Variants in EIF4E3 observed in about 807,000 individuals in gnomAD.
EIF4E3 encodes the protein eukaryotic translation initiation factor 4E type 3.
A neutral mutation model predicts 31.7 loss-of-function variants in EIF4E3; 26 were observed. That is an observed-to-expected ratio of 0.82 (90% CI 0.60 to 1.14). EIF4E3 has a LOEUF of 1.14. Among genes scored for constraint, EIF4E3 ranks in the 50% most tolerant of loss-of-function variants. The pLI is 0.00. For missense variants in EIF4E3, 304 were observed against 270.9 expected (o/e 1.12, Z -0.86); for synonymous variants, 128 against 107.7 (o/e 1.19, Z -1.17).
chr3:71,747,150 T>C (rs937827066), intron 1 of EIF4E3, among the ~76,000 whole-genome samples: 1 of 152,242 alleles, frequency 6.6e-6, no homozygotes, highest in Non-Finnish European at 1.5e-5. Flanking sequence ...TGCCTAGGCG[T>C]GAAATGGCTA....
In EIF4E3 at chr3:71,684,464, GT is replaced by G. The variant is rs955380972; in HGVS notation, c.*217del. On this transcript the variant is annotated 3_prime_UTR_variant, in exon 7 of 7. Transcript: ENST00000425534. ...GCCAAAAAAAAAGTTTTTTGTGTGTGTTTTTTTTAAAAAGCAAGTAATGTGA... is the reference window on the plus strand; with the variant it reads ...GCCAAAAAAAAAGTTTTTTGTGTGTGTTTTTTTAAAAAGCAAGTAATGTGA... 7 of 374,218 alleles carry G rather than the reference GT, an allele frequency of 1.9e-5. No homozygotes were observed. The highest frequency in any genetic ancestry group is 1.1e-4 in the South Asian group (1 of 9,424). 23.2% of individuals were successfully genotyped at this position (374,218 alleles called of 1,614,324 possible).
chr3:71,722,159 A>G (rs1241662340), intron 1 of EIF4E3, among the ~76,000 whole-genome samples: 1 of 152,170 alleles, frequency 6.6e-6, no homozygotes, highest in African/African-American at 2.4e-5. Context: ...AACTGGAAGG[A>G]TAGACTTGCT....
At chr3:71,740,389 G>C (rs1372609036) in intron 1 of EIF4E3, among the ~76,000 whole-genome samples, 1 of 152,150 alleles carries the variant, frequency 6.6e-6, no homozygotes, top group Non-Finnish European at 1.5e-5. Context: ...TAAAACTAAA[G>C]GACAGAGTGT....
intron 1 of EIF4E3, among the ~76,000 whole-genome samples, chr3:71,752,863 C>G (rs1403403553): frequency 6.6e-6 from 1 of 152,184 alleles, no homozygotes; most frequent in South Asian, 2.1e-4. Flanking sequence ...CATGCAAGGT[C>G]CTGCGAGACA....
rs149033147 is a variant in EIF4E3 at position 71,680,553 on chromosome 3, G to A, written c.*4129C>T. On this transcript the variant is annotated 3_prime_UTR_variant, in exon 7 of 7. Transcript: ENST00000425534. Reference sequence around the variant, plus strand: ...GGCCTGAGTGGGCCAATCTGAATAAGTATTCTTAGATTTGGATGTATATGT... The same window carrying A: ...GGCCTGAGTGGGCCAATCTGAATAAATATTCTTAGATTTGGATGTATATGT... The A allele has an allele frequency of 2.0e-5, 3 of 152,320 alleles. No individual in the cohort carries two copies. The highest frequency in any genetic ancestry group is 2.4e-5 in the African/African-American group (1 of 41,560). The allele number at this position is 152,320 out of a possible 1,614,324, so 9.4% of individuals were successfully genotyped here. A position where few individuals can be genotyped will look rare whatever the true frequency, so the allele number is the denominator to read the frequency against.
rs1196813167 is a variant in EIF4E3, at chr3:71,690,082, C to G, written c.556G>C (p.Gly186Arg). ...ATCTTTTCTAAAACAGTCGCTTCAC[C>G]CACTAAAGAGGCATTTACATTCCAG... ...QVWNVNASLV[G>R]EATVLEKIYE... The change falls in exon 6 of 7, where the codon GGT (glycine) becomes CGT (arginine). Residue 186 changes from glycine to arginine, a missense_variant. Coordinates refer to ENST00000425534, the MANE Select transcript of EIF4E3 (RefSeq NM_001134651.2). 2 of 1,613,754 alleles carry G rather than the reference C, an allele frequency of 1.2e-6. No individual in the cohort carries two copies. The highest frequency in any genetic ancestry group is 1.7e-6 in the Non-Finnish European group (2 of 1,179,908).
chr3:71,721,890 C>A (rs1239045446), intron 1 of EIF4E3, among the ~76,000 whole-genome samples: 1 of 152,118 alleles, frequency 6.6e-6, no homozygotes, highest in East Asian at 1.9e-4. Flanking sequence ...AGGGCAAGCA[C>A]TGATGGAGGT....
chr3:71,688,011 G>A (rs1477835703), intron 6 of EIF4E3, among the ~76,000 whole-genome samples: 2 of 139,080 alleles, frequency 1.4e-5, no homozygotes, highest in African/African-American at 2.7e-5. Flanking sequence ...AAAGAAAACT[G>A]CTTGTTTTTT....
upstream of EIF4E3, chr3:71,725,410 G>T (rs1034607995): frequency 2.0e-6 from 2 of 976,318 alleles, no homozygotes; most frequent in Non-Finnish European, 2.4e-6. The surrounding 1 kb of genome is among the most constrained non-coding windows in gnomAD (Gnocchi z 6.1). Flanking sequence ...CGCGGACCGC[G>T]GGGCGAGCGC....
chr3:71,659,499 G>A, the EIF4E3 span, among the ~76,000 whole-genome samples: 1 of 152,200 alleles, frequency 6.6e-6, no homozygotes, highest in Non-Finnish European at 1.5e-5. Context: ...TTGACAGGAT[G>A]TGATTCTTAT....
chr3:71,712,880 G>GAA (rs2049403892), intron 1 of EIF4E3, among the ~76,000 whole-genome samples: 2 of 139,064 alleles, frequency 1.4e-5, no homozygotes, highest in African/African-American at 5.3e-5. Context: ...AAGCACTGAT[G>GAA]AAAATTTGCT....
intron 2 of EIF4E3, among the ~76,000 whole-genome samples, chr3:71,702,892 A>G (rs2049237999): frequency 6.6e-6 from 1 of 152,174 alleles, no homozygotes; most frequent in South Asian, 2.1e-4. Context: ...GCAGAAGTGA[A>G]AGGTCTGCTA....
downstream of EIF4E3, among the ~76,000 whole-genome samples, chr3:71,671,412 A>G (rs938789472): frequency 6.6e-6 from 1 of 152,034 alleles, no homozygotes; most frequent in East Asian, 1.9e-4. Flanking sequence ...GCATGGCAGC[A>G]TCCGGAGCCG....
At chr3:71,734,190 A>C (rs959836885) in intron 1 of EIF4E3, among the ~76,000 whole-genome samples, 1 of 152,224 alleles carries the variant, frequency 6.6e-6, no homozygotes, top group Non-Finnish European at 1.5e-5. Context: ...CCAGAGGCTA[A>C]AAAGATGCAC....
intron 1 of EIF4E3, among the ~76,000 whole-genome samples, chr3:71,718,723 G>A (rs911315546): frequency 5.3e-5 from 8 of 152,216 alleles, no homozygotes; most frequent in Non-Finnish European, 1.2e-4. Flanking sequence ...TTTTCTGAGT[G>A]AGGATGTGAA....
Position 71,680,109 on chromosome 3 carries a change from C to T in EIF4E3, c.*4573G>A, listed in dbSNP as rs925938331. ...AGTTCTTATTCACGAGCATCATCTA[C>T]TCAAGTCTCAGTATTAATGGTTTTC... On this transcript the variant is annotated 3_prime_UTR_variant, in exon 7 of 7. Coordinates refer to ENST00000425534, the MANE Select transcript of EIF4E3 (RefSeq NM_001134651.2). 1 of 152,156 alleles carries T rather than the reference C, an allele frequency of 6.6e-6. No homozygotes were observed. Among genetic ancestry groups the T allele is most frequent in the Non-Finnish European group, 1.5e-5 (1 of 68,020 alleles). 9.4% of individuals were successfully genotyped at this position (152,156 alleles called of 1,614,324 possible). A position where few individuals can be genotyped will look rare whatever the true frequency, so the allele number is the denominator to read the frequency against.
chr3:71,729,562 G>T (rs1395163652), upstream of EIF4E3, among the ~76,000 whole-genome samples: 1 of 152,156 alleles, frequency 6.6e-6, no homozygotes, highest in African/African-American at 2.4e-5. Context: ...ATGAGGACTG[G>T]ACATGCTAAT....
At chr3:71,746,209 TA>T (rs1347698466) in intron 1 of EIF4E3, among the ~76,000 whole-genome samples, 2 of 152,240 alleles carry the variant, frequency 1.3e-5, no homozygotes. Context: ...GACCACAGAC[TA>T]TGGTTAATTG....
At chr3:71,704,380 C>A (rs2049261259) in intron 2 of EIF4E3, among the ~76,000 whole-genome samples, 1 of 152,188 alleles carries the variant, frequency 6.6e-6, no homozygotes, top group Admixed American at 6.5e-5. Flanking sequence ...CCAAGAGGCT[C>A]CAAGACTCCC....
Sources: gnomAD v4.1 joint callset for allele counts (sites outside exome capture counted in the v4.1 genomes callset) on GRCh38, gnomAD v4.1.1 for gene constraint, Gnocchi (gnomAD v3.1) non-coding constraint, MANE v1.5 for transcripts, NCBI Gene and HGNC (gene_info 2026-07-23, HGNC 2026-07-21) for gene names.